The following HYDIN variants were observed in gnomAD, a reference collection of about 807,000 sequenced individuals.
The protein encoded by HYDIN is axonemal central pair apparatus protein HYDIN.
In HYDIN, 132 loss-of-function variants were observed where a neutral mutation model predicts 403.9. The observed-to-expected ratio is 0.33, with a 90% CI of 0.28 to 0.38. The LOEUF (loss-of-function observed/expected upper bound fraction) is 0.38, where lower values mean the gene tolerates loss of function less well. Ranked by LOEUF, HYDIN falls within the 10% of genes least tolerant of loss-of-function variation. HYDIN has a pLI of 1.00. For synonymous variants in HYDIN, 1,202 were observed against 1,891.7 expected (o/e 0.64, Z 9.46); for missense variants, 2,827 against 5,009.5 (o/e 0.56, Z 13.15).
rs754333403 is a variant in HYDIN at position 71,069,514 on chromosome 16, A to T, written c.1739-12T>A. On this transcript the variant is annotated splice_polypyrimidine_tract_variant and intron_variant, in intron 13 of 85. Coordinates refer to ENST00000393567, the MANE Select transcript of HYDIN (RefSeq NM_001270974.2). ...GGTATGAGGAAACCCTGGAAAACAAAATATGATGTGAGAAATAAAAGCCCC... is the reference window on the plus strand; with the variant it reads ...GGTATGAGGAAACCCTGGAAAACAATATATGATGTGAGAAATAAAAGCCCC... The T allele has an allele frequency of 1.2e-6, 2 of 1,610,362 alleles. No homozygotes were observed. The highest frequency in any genetic ancestry group is 1.7e-6 in the Non-Finnish European group (2 of 1,177,594).
At chr16:71,059,970 T>C (rs1228178168) in intron 18 of HYDIN, among the ~76,000 whole-genome samples, 4 of 152,082 alleles carry the variant, frequency 2.6e-5, no homozygotes, top group Non-Finnish European at 4.4e-5. Context: ...TACTCTCCTG[T>C]ATTTCAGACA....
intron 10 of HYDIN, among the ~76,000 whole-genome samples, chr16:71,100,731 C>T (rs2083434107): frequency 6.6e-6 from 1 of 152,070 alleles, no homozygotes; most frequent in Non-Finnish European, 1.5e-5. Context: ...AAGATATTTA[C>T]ATTCTCACTC....
chr16:70,882,972 T>C, intron 59 of HYDIN, 77 bp from the exon 60 acceptor site: 1 of 1,174,956 alleles, frequency 8.5e-7, no homozygotes, highest in Non-Finnish European at 1.3e-6. Flanking sequence ...TTTGGAACTC[T>C]GGATTCTCAC....
intron 75 of HYDIN, among the ~76,000 whole-genome samples, chr16:70,841,938 G>C (rs1053834120): frequency 6.7e-6 from 1 of 150,032 alleles, no homozygotes; most frequent in Non-Finnish European, 1.5e-5. Context: ...ATGAAGACAG[G>C]TTCCAGTGGT....
At position 70,829,632 on chromosome 16, in the gene HYDIN, T is replaced by C; in HGVS notation, c.14098A>G (p.Asn4700Asp). ...CCTCAGTCTACCTGGTGCTTGCGGT[T>C]CTCCAAGTTCATGGTGCGGGGCCTG... ...TYRPRTMNLE[N>D]RKHQGTLFFP... is the part of the protein sequence containing the mutation. Residue 4700 changes from asparagine to aspartate, a missense_variant, in exon 81 of 86, where the codon AAC becomes GAC. By Grantham distance (23) the Asn-to-Asp change is conservative (BLOSUM62 1). Coordinates refer to ENST00000393567, the MANE Select transcript of HYDIN (RefSeq NM_001270974.2). 6.2e-7 allele frequency: 1 copy of C among 1,613,176 alleles called. No individual in the cohort carries two copies. Among genetic ancestry groups the C allele is most frequent in the South Asian group, 1.1e-5 (1 of 91,034 alleles).
At chr16:70,980,236 T>G (rs1194835186) in intron 29 of HYDIN, among the ~76,000 whole-genome samples, 2 of 149,758 alleles carry the variant, frequency 1.3e-5, no homozygotes, top group Admixed American at 6.7e-5. Flanking sequence ...GCATTGTGGC[T>G]CAACACCTGT....
intron 18 of HYDIN, among the ~76,000 whole-genome samples, chr16:71,060,007 C>A (rs1268912433): frequency 6.6e-6 from 1 of 152,020 alleles, no homozygotes; most frequent in Non-Finnish European, 1.5e-5. Flanking sequence ...TAAAATATTG[C>A]TAGAAGGAAG....
At chr16:70,887,362 T>C (rs1453518343) in intron 58 of HYDIN, among the ~76,000 whole-genome samples, 2 of 151,724 alleles carry the variant, frequency 1.3e-5, no homozygotes, top group African/African-American at 2.4e-5. Flanking sequence ...GATATGACTA[T>C]GGAGGAGGTT....
At chr16:70,821,389 A>C (rs1006278062) in intron 83 of HYDIN, among the ~76,000 whole-genome samples, 5 of 151,364 alleles carry the variant, frequency 3.3e-5, no homozygotes, top group African/African-American at 1.2e-4. Context: ...ATCTGCTGAC[A>C]ATGAATGTTC....
chr16:71,200,244 G>A (rs1425753761), intron 1 of HYDIN, among the ~76,000 whole-genome samples: 1 of 152,234 alleles, frequency 6.6e-6, no homozygotes, highest in Non-Finnish European at 1.5e-5. Context: ...CCTCGGGGCT[G>A]CTCTGTCTAT....
chr16:71,188,266 A>G (rs1002312254), intron 1 of HYDIN, among the ~76,000 whole-genome samples: 1 of 152,132 alleles, frequency 6.6e-6, no homozygotes, highest in African/African-American at 2.4e-5. Context: ...AGCAGCTGGC[A>G]CTACTGGATT....
chr16:71,192,608 A>G (rs1567433783), intron 1 of HYDIN, among the ~76,000 whole-genome samples: 1 of 152,040 alleles, frequency 6.6e-6, no homozygotes, highest in African/African-American at 2.4e-5. Context: ...GCTAATTCCC[A>G]TTTGTCTTTC....
intron 10 of HYDIN, among the ~76,000 whole-genome samples, chr16:71,110,500 T>C (rs1421163829): frequency 7.0e-6 from 1 of 143,230 alleles, no homozygotes; most frequent in African/African-American, 2.6e-5. Context: ...ATATATTTCA[T>C]ATATATATAT....
intron 27 of HYDIN, among the ~76,000 whole-genome samples, chr16:70,987,578 GA>G (rs1457864852): frequency 7.0e-6 from 1 of 143,836 alleles, no homozygotes; most frequent in African/African-American, 2.6e-5. Context: ...AGGATGTGGA[GA>G]GGTGAAGGAG....
chr16:71,192,477 T>C (rs2087483420), intron 1 of HYDIN, among the ~76,000 whole-genome samples: 1 of 152,206 alleles, frequency 6.6e-6, no homozygotes, highest in Non-Finnish European at 1.5e-5. Context: ...TGTTCATCCC[T>C]GGAATTTGCC....
chr16:71,049,829 C>T (rs984211570), intron 18 of HYDIN, among the ~76,000 whole-genome samples: 6 of 145,476 alleles, frequency 4.1e-5, no homozygotes, highest in African/African-American at 1.3e-4. Context: ...TAAAATTAAA[C>T]TGCCAATGTA....
chr16:70,822,010 GCCTGCTAACA>G (rs2036298970), intron 83 of HYDIN, among the ~76,000 whole-genome samples: 1 of 152,156 alleles, frequency 6.6e-6, no homozygotes, highest in South Asian at 2.1e-4. Context: ...TTGTTTTCAT[GCCTGCTAACA>G]CAACATCTAC....
chr16:70,908,499 A>G, intron 48 of HYDIN, 65 bp from the exon 49 acceptor site: 1 of 1,380,508 alleles, frequency 7.2e-7, no homozygotes, highest in Non-Finnish European at 9.9e-7. Flanking sequence ...AAGACAGGAG[A>G]GCTGCCTGGA....
chr16:70,991,168 G>A, intron 25 of HYDIN, 150 bp downstream of exon 25: 2 of 1,065,666 alleles, frequency 1.9e-6, no homozygotes, highest in Non-Finnish European at 2.7e-6. Context: ...GCTCTGGGGT[G>A]TTTGGCTGGG....
Sources: allele counts gnomAD v4.1 joint callset (sites outside exome capture counted in the v4.1 genomes callset), GRCh38; gene constraint gnomAD v4.1.1; transcripts MANE v1.5; gene names NCBI Gene and HGNC (gene_info 2026-07-23, HGNC 2026-07-21).